The following PPFIBP2 variants were observed in gnomAD, a reference collection of about 807,000 sequenced individuals.
The protein encoded by PPFIBP2 is liprin-beta-2.
Under a neutral mutation model 118.3 loss-of-function variants are expected in PPFIBP2, and 118 were observed. The observed-to-expected ratio is 1.00, with a 90% CI of 0.86 to 1.16. The LOEUF is 1.16. PPFIBP2 is among the 50% of genes most tolerant of loss of function. The probability of loss-of-function intolerance (pLI) is 0.00; values close to 1 mark genes in which losing one functional copy is unlikely to be tolerated. For missense variants in PPFIBP2, 1,195 were observed against 1,073.1 expected (o/e 1.11, Z -1.59); for synonymous variants, 414 against 397.4 (o/e 1.04, Z -0.50).
intron 1 of PPFIBP2, among the ~76,000 whole-genome samples, chr11:7,520,046 C>G (rs1010800171): frequency 1.3e-5 from 2 of 152,200 alleles, no homozygotes; most frequent in African/African-American, 4.8e-5. Flanking sequence ...ACCCGAGCCT[C>G]TCCCAGGTTT....
downstream of PPFIBP2, among the ~76,000 whole-genome samples, chr11:7,660,259 C>A (rs1032645671): frequency 8.0e-6 from 1 of 125,594 alleles, no homozygotes; most frequent in African/African-American, 2.6e-5. Flanking sequence ...AGTTTTTGCC[C>A]ATTCAGTATG....
chr11:7,657,388 C>G (rs1479010078), downstream of PPFIBP2, among the ~76,000 whole-genome samples: 1 of 152,284 alleles, frequency 6.6e-6, no homozygotes, highest in Non-Finnish European at 1.5e-5. Flanking sequence ...CTCCCGTCAT[C>G]TGCAAGGGGT....
At chr11:7,573,902 C>A (rs1855954048) in intron 3 of PPFIBP2, 1 of 152,240 alleles carries the variant, frequency 6.6e-6, no homozygotes, top group African/African-American at 2.4e-5. Flanking sequence ...TGAGATTCCT[C>A]TCAGTTTACA....
At chr11:7,534,899 C>T (rs1590145156) in intron 1 of PPFIBP2, among the ~76,000 whole-genome samples, 1 of 152,240 alleles carries the variant, frequency 6.6e-6, no homozygotes, top group Admixed American at 6.5e-5. Context: ...GCATCATCCG[C>T]AGGTTGCTGG....
At chr11:7,570,681 A>C (rs1217412174) in intron 3 of PPFIBP2, among the ~76,000 whole-genome samples, 1 of 152,134 alleles carries the variant, frequency 6.6e-6, no homozygotes, top group Non-Finnish European at 1.5e-5. Context: ...TTTCTTTGCA[A>C]GGTCTCAAGA....
At chr11:7,663,320 G>C in the PPFIBP2 span, among the ~76,000 whole-genome samples, 2 of 150,332 alleles carry the variant, frequency 1.3e-5, no homozygotes, top group African/African-American at 2.4e-5. Context: ...GTACAGATGG[G>C]TTTTTGGTGT....
chr11:7,621,056 A>G (rs761610902), intron 7 of PPFIBP2, 29 bp downstream of exon 7: 5 of 1,528,658 alleles, frequency 3.3e-6, no homozygotes, highest in African/African-American at 2.7e-5. Flanking sequence ...GCTTATGGAG[A>G]GAGTATGAGG....
chr11:7,547,547 C>T (rs184399274), intron 1 of PPFIBP2, among the ~76,000 whole-genome samples: 1 of 152,192 alleles, frequency 6.6e-6, no homozygotes, highest in Non-Finnish European at 1.5e-5. Flanking sequence ...CTGCTTCCCC[C>T]CTTTTCCCTG....
intron 2 of PPFIBP2, among the ~76,000 whole-genome samples, chr11:7,553,181 A>G (rs139729268): frequency 3.3e-5 from 5 of 151,524 alleles, no homozygotes; most frequent in East Asian, 1.9e-4. Flanking sequence ...TATTTTCTCT[A>G]TTTTCACCCT....
At chr11:7,577,879 G>A (rs1047847339) in intron 3 of PPFIBP2, among the ~76,000 whole-genome samples, 1 of 152,214 alleles carries the variant, frequency 6.6e-6, no homozygotes, top group Non-Finnish European at 1.5e-5. Flanking sequence ...GGCAAGAATG[G>A]AGTGAGGAAA....
intron 17 of PPFIBP2, among the ~76,000 whole-genome samples, chr11:7,645,060 G>A (rs1237372083): frequency 1.8e-4 from 23 of 125,860 alleles, no homozygotes; most frequent in Non-Finnish European, 3.5e-4. Context: ...AAAAAAAAAA[G>A]GTATTTTAAA....
chr11:7,516,610 C>T (rs1249925651), intron 1 of PPFIBP2, among the ~76,000 whole-genome samples: 1 of 152,032 alleles, frequency 6.6e-6, no homozygotes, highest in Non-Finnish European at 1.5e-5. Flanking sequence ...GGGCTGAGGC[C>T]TAAAATGGCG....
chr11:7,635,489 T>C (rs2135813332), intron 13 of PPFIBP2, 63 bp from the exon 14 acceptor site: 2 of 1,493,396 alleles, frequency 1.3e-6, no homozygotes, highest in East Asian at 2.3e-5. Flanking sequence ...GAGTTGTTGC[T>C]GTTTGTGAAT....
chr11:7,622,413 A>C (rs1849456540), intron 7 of PPFIBP2, among the ~76,000 whole-genome samples: 1 of 152,198 alleles, frequency 6.6e-6, no homozygotes, highest in Non-Finnish European at 1.5e-5. Flanking sequence ...AAATATTCAA[A>C]CATCAGGGTC....
At chr11:7,535,549 G>A (rs752771328) in intron 1 of PPFIBP2, among the ~76,000 whole-genome samples, 5 of 152,190 alleles carry the variant, frequency 3.3e-5, no homozygotes, top group Non-Finnish European at 1.5e-5. Context: ...TTCCTTATCT[G>A]TAGAATCGGG....
intron 4 of PPFIBP2, among the ~76,000 whole-genome samples, chr11:7,596,502 A>G (rs539858848): frequency 9.9e-4 from 151 of 152,210 alleles, no homozygotes; most frequent in African/African-American, 3.3e-3. Flanking sequence ...ATAAAAATGG[A>G]GATCTTAAAG....
rs776169817 is a variant in PPFIBP2, at chr11:7,653,495, T to A, written c.*277T>A. ...CATGTCTAGTAATTCTTGATGTTCA[T>A]CTTCAGCACCAGTGGAAACACATGA... On this transcript the variant is annotated 3_prime_UTR_variant, in exon 24 of 24. Coordinates refer to ENST00000299492, the MANE Select transcript of PPFIBP2 (RefSeq NM_003621.5). 15 of 1,408,616 alleles carry A rather than the reference T, an allele frequency of 1.1e-5. No homozygotes were observed. The South Asian group carries it at 1.2e-4, about 11-fold the overall frequency. The allele number at this position is 1,408,616 out of a possible 1,614,324, so 87.3% of individuals were successfully genotyped here.
chr11:7,534,280 T>A (rs1851003017), intron 1 of PPFIBP2, among the ~76,000 whole-genome samples: 1 of 152,250 alleles, frequency 6.6e-6, no homozygotes, highest in Non-Finnish European at 1.5e-5. Flanking sequence ...ATAAAAAGAA[T>A]TCAAATGTAC....
At chr11:7,544,772 TAAAAAAAAA>T (rs1194860244) in intron 1 of PPFIBP2, among the ~76,000 whole-genome samples, 4 of 86,144 alleles carry the variant, frequency 4.6e-5, no homozygotes, top group African/African-American at 9.1e-5. Flanking sequence ...AGACTCCATC[TAAAAAAAAA>T]AAAAAAAAAA....
Sources: gnomAD v4.1 joint callset for allele counts (sites outside exome capture counted in the v4.1 genomes callset) on GRCh38, gnomAD v4.1.1 for gene constraint, MANE v1.5 for transcripts, NCBI Gene and HGNC (gene_info 2026-07-23, HGNC 2026-07-21) for gene names.